The following TTBK2 variants were observed in gnomAD, a reference collection of about 807,000 sequenced individuals.
TTBK2 encodes tau-tubulin kinase 2.
TTBK2 carries 28 observed loss-of-function variants against 110.8 expected under a neutral mutation model. That is an observed-to-expected ratio of 0.25 (90% CI 0.19 to 0.35). The LOEUF is 0.35. Among genes scored for constraint, TTBK2 ranks in the 10% least tolerant of loss-of-function variants. The pLI is 1.00. For missense variants in TTBK2, 1,369 were observed against 1,500.3 expected (o/e 0.91, Z 1.45); for synonymous variants, 532 against 527.3 (o/e 1.01, Z -0.12).
In TTBK2 at chr15:42,739,411, A is replaced by G. The variant is rs969153737; in HGVS notation, c.*6384T>C. ...CAATAGCTCATTACTTCTAAGATGT[A>G]TATCTAATTCAAAACTAGATGCTCC... On this transcript the variant is annotated 3_prime_UTR_variant, in exon 15 of 15. Transcript: ENST00000267890. 23 of 152,242 alleles carry G rather than the reference A, an allele frequency of 1.5e-4. No individual in the cohort carries two copies. Among genetic ancestry groups the G allele is most frequent in the African/African-American group, 5.3e-4 (22 of 41,456 alleles). The allele number at this position is 152,242 out of a possible 1,614,324, so 9.4% of individuals were successfully genotyped here.
At position 42,775,339 on chromosome 15, in the gene TTBK2, G is replaced by T; in HGVS notation, c.1794C>A (p.Leu598=). The change falls in exon 13 of 15, where the codon CTC becomes CTA. Residue 598 remains leucine, a synonymous_variant. Coordinates refer to ENST00000267890, the MANE Select transcript of TTBK2 (RefSeq NM_173500.4). The stretch of plus-strand genomic sequence containing the variant: ...CATTTTCTGCCCAAGGACCTAACTG[G>T]AGCTTTTCATCTTGAGGTGATGCCT... ...VLEASPQDEK[L]QLGPWAENDH... 1 of 1,614,162 alleles carries T rather than the reference G, an allele frequency of 6.2e-7. No individual in the cohort carries two copies. Among genetic ancestry groups the T allele is most frequent in the Non-Finnish European group, 8.5e-7 (1 of 1,180,036 alleles).
intron 1 of TTBK2, among the ~76,000 whole-genome samples, chr15:42,896,042 C>T (rs1195728384): frequency 2.6e-5 from 4 of 151,968 alleles, no homozygotes; most frequent in Non-Finnish European, 1.5e-5. Flanking sequence ...ACAGAAAAGA[C>T]AGGCCGGGTG....
At chr15:42,750,916 T>C (rs1220382860) in intron 14 of TTBK2, among the ~76,000 whole-genome samples, 3 of 152,246 alleles carry the variant, frequency 2.0e-5, no homozygotes, top group African/African-American at 7.2e-5. Flanking sequence ...AGTACTTTAG[T>C]ACTTTAAAGT....
At chr15:42,770,605 T>C (rs1003060773) in intron 13 of TTBK2, among the ~76,000 whole-genome samples, 4 of 152,182 alleles carry the variant, frequency 2.6e-5, no homozygotes, top group Non-Finnish European at 5.9e-5. Context: ...GGTTGAAGTG[T>C]AATATCAAAT....
Position 42,769,644 on chromosome 15 carries a change from C to T in TTBK2, c.1998+5491G>A, listed in dbSNP as rs12911846. Among the ~76,000 whole-genome samples, 1,441 of 152,300 alleles carry T rather than the reference C, an allele frequency of 9.5e-3. 18 individuals are homozygous for T. Among genetic ancestry groups the T allele is most frequent in the Non-Finnish European group, 0.013 (912 of 68,022 alleles). On this transcript the variant is annotated intron_variant, in intron 13 of 14. Transcript: ENST00000267890. ...GAGAGGATGTGGAGAAATAGGAACA[C>T]TTTTACACTGTTGGTGGGAGTGTAA...
At position 42,823,091 on chromosome 15, in the gene TTBK2, GAA is replaced by G. The variant is rs1236794772; in HGVS notation, c.537+4835_537+4836del. Among the ~76,000 whole-genome samples, 3 of 152,202 alleles carry G rather than the reference GAA, an allele frequency of 2.0e-5. No individual in the cohort carries two copies. In the East Asian group the frequency reaches 5.8e-4, roughly 29 times the overall value. On this transcript the variant is annotated intron_variant, in intron 6 of 14. Coordinates refer to ENST00000267890, the MANE Select transcript of TTBK2 (RefSeq NM_173500.4). ...AGCTAAATTCTGAAATACTAACAGA[GAA>G]AAAAGACTTTAAACATTTTTCTTAT...
At chr15:42,853,768 C>A (rs1453188367) in intron 3 of TTBK2, among the ~76,000 whole-genome samples, 1 of 152,104 alleles carries the variant, frequency 6.6e-6, no homozygotes, top group Non-Finnish European at 1.5e-5. Flanking sequence ...GTAATCCCAG[C>A]TACTCAGGAG....
In TTBK2 at chr15:42,745,872, C is replaced by G. The variant is rs776506980; in HGVS notation, c.3658G>C (p.Gly1220Arg). 3 of 1,614,076 alleles carry G rather than the reference C, an allele frequency of 1.9e-6. No homozygotes were observed. The East Asian group carries it at 6.7e-5, about 36-fold the overall frequency. The change falls in exon 15 of 15, where the codon GGC becomes CGC. Residue 1220 changes from glycine to arginine, a missense_variant. Physicochemically the swap from Gly to Arg is moderately radical, Grantham distance 125 (BLOSUM62 -2). This residue lies in a region of TTBK2 where 1,097 missense variants were observed against 1,114.7 expected (regional missense o/e 0.98). Transcript: ENST00000267890. ...CTGGCTGAGTGGTGGTGGAGGCTGC[C>G]GGATCCTTTCAGGCCATTCTTGCTG... ...KPSKNGLKGS[G>R]SLHHHSASTK...
intron 14 of TTBK2, among the ~76,000 whole-genome samples, chr15:42,747,770 T>C (rs994430583): frequency 2.6e-5 from 4 of 152,098 alleles, no homozygotes; most frequent in Non-Finnish European, 2.9e-5. Context: ...ATAATAAAAC[T>C]ATGGTAATGG....
intron 10 of TTBK2, among the ~76,000 whole-genome samples, chr15:42,789,858 C>CACACACACACACACACAT (rs1890575610): frequency 6.6e-6 from 1 of 151,690 alleles, no homozygotes; most frequent in African/African-American, 2.4e-5. Flanking sequence ...ATACAATACA[C>CACACACACACACACACAT]ACACACACAC....
At chr15:42,783,923 G>A (rs886202098) in intron 10 of TTBK2, among the ~76,000 whole-genome samples, 6 of 151,758 alleles carry the variant, frequency 4.0e-5, no homozygotes, top group African/African-American at 9.7e-5. Context: ...TTAGCTGGGC[G>A]TGGTGGTGGG....
At chr15:42,903,032 A>C (rs990738086) in intron 1 of TTBK2, among the ~76,000 whole-genome samples, 90 of 151,638 alleles carry the variant, frequency 5.9e-4, no homozygotes, top group African/African-American at 2.1e-3. Flanking sequence ...AATTCTTTTT[A>C]ATTTTTTTTT....
At chr15:42,807,992 T>TA (rs543458382) in intron 9 of TTBK2, among the ~76,000 whole-genome samples, 153 of 152,258 alleles carry the variant, frequency 1.0e-3, no homozygotes, top group South Asian at 1.7e-3. Flanking sequence ...AATATGGGGT[T>TA]AAAAAAATAA....
intron 13 of TTBK2, among the ~76,000 whole-genome samples, chr15:42,769,959 G>A (rs1889590359): frequency 6.6e-6 from 1 of 152,086 alleles, no homozygotes. Context: ...GCAGGGACGT[G>A]GATGCAGCTG....
chr15:42,794,852 T>C, intron 9 of TTBK2, 51 bp from the exon 10 acceptor site: 1 of 1,604,084 alleles, frequency 6.2e-7, no homozygotes, highest in Non-Finnish European at 8.5e-7. Flanking sequence ...ACATAGTCAC[T>C]TTATTCTATA....
At chr15:42,862,902 T>C (rs1894216357) in intron 3 of TTBK2, among the ~76,000 whole-genome samples, 1 of 151,626 alleles carries the variant, frequency 6.6e-6, no homozygotes, top group African/African-American at 2.4e-5. Context: ...AATAAACAAA[T>C]AAATTAATTA....
In TTBK2 at chr15:42,886,058, T is replaced by C. The variant is rs550379346; in HGVS notation, c.-67-7374A>G. Among the ~76,000 whole-genome samples the C allele has an allele frequency of 3.9e-5, 6 of 152,298 alleles. No homozygotes were observed. The South Asian group carries it at 1.2e-3, about 32-fold the overall frequency. ...CTTTTACACATTGGTCCCTCCCTAG[T>C]ATTTGTTCCCAATGAGACTCATTCC... On this transcript the variant is annotated intron_variant, in intron 1 of 14. Transcript: ENST00000267890.
chr15:42,884,989 T>C (rs1274345082), intron 1 of TTBK2, among the ~76,000 whole-genome samples: 2 of 152,156 alleles, frequency 1.3e-5, no homozygotes, highest in East Asian at 1.9e-4. Flanking sequence ...ATGTACTTTG[T>C]GAGATCTATC....
At chr15:42,849,746 T>A (rs1893620006) in intron 3 of TTBK2, among the ~76,000 whole-genome samples, 1 of 152,188 alleles carries the variant, frequency 6.6e-6, no homozygotes, top group Admixed American at 6.5e-5. Flanking sequence ...GGTTTCCCAT[T>A]TGGGATGTGG....
Sources: allele counts gnomAD v4.1 joint callset (sites outside exome capture counted in the v4.1 genomes callset), GRCh38; gene constraint gnomAD v4.1.1; regional missense constraint gnomAD v4.1.1; transcripts MANE v1.5; gene names NCBI Gene and HGNC (gene_info 2026-07-23, HGNC 2026-07-21).